Variants in CCDC7 observed in about 807,000 individuals in gnomAD.
CCDC7 encodes the protein coiled-coil domain containing 7, also known as coiled-coil domain-containing protein 7.
A neutral mutation model predicts 196.9 loss-of-function variants in CCDC7; 183 were observed. The ratio of observed to expected loss-of-function variants is 0.93; its 90% confidence interval spans 0.82 to 1.05. The LOEUF (loss-of-function observed/expected upper bound fraction) is 1.05. Among genes scored for constraint, CCDC7 ranks in the 50% least tolerant of loss-of-function variants. The probability of loss-of-function intolerance (pLI) is 0.00; values close to 1 mark genes in which losing one functional copy is unlikely to be tolerated. For missense variants in CCDC7, 1,540 were observed against 1,482.2 expected (o/e 1.04, Z -0.64); for synonymous variants, 525 against 484.6 (o/e 1.08, Z -1.10).
intron 41 of CCDC7, among the ~76,000 whole-genome samples, chr10:32,871,713 T>C (rs1202673334): frequency 2.0e-5 from 3 of 152,206 alleles, no homozygotes; most frequent in Admixed American, 6.5e-5. Flanking sequence ...TTTTAGATCT[T>C]TCCTGCTTTC....
intron 39 of CCDC7, 65 bp downstream of exon 40, chr10:32,848,783 C>T (rs1042748453): frequency 8.2e-7 from 1 of 1,217,746 alleles, no homozygotes; most frequent in Non-Finnish European, 1.2e-6. Context: ...TTAAAGTATG[C>T]TTTTTCATTT....
intron 18 of CCDC7, among the ~76,000 whole-genome samples, chr10:32,626,093 A>G (rs758133265): frequency 3.9e-5 from 6 of 152,048 alleles, no homozygotes; most frequent in Non-Finnish European, 8.8e-5. Context: ...CAGAAATGCA[A>G]TTGCCAGATC....
chr10:32,834,849 A>G (rs757117432), exon 33 of CCDC7: 3 of 1,470,734 alleles, frequency 2.0e-6, no homozygotes, highest in Non-Finnish European at 2.8e-6. Context: ...GTGTTAATGG[A>G]AAAGATATAA....
rs181615877 is a variant in CCDC7, at chr10:32,531,114, G to A, written c.994-12186G>A. 2.5e-3 allele frequency among the ~76,000 whole-genome samples: 386 copies of A among 152,124 alleles called. 2 individuals are homozygous for A. The highest frequency in any genetic ancestry group is 4.4e-3 in the Non-Finnish European group (302 of 67,968). On this transcript the variant is annotated intron_variant, in intron 11 of 41. Coordinates refer to ENST00000639629, the Ensembl canonical transcript of CCDC7. ...GTTCCTGGGATGATGGATCTTACTT[G>A]ATTATGGTGATTGATTCTTTTTTTT...
At chr10:32,720,983 C>G (rs963583782) in intron 25 of CCDC7, among the ~76,000 whole-genome samples, 3 of 152,084 alleles carry the variant, frequency 2.0e-5, no homozygotes, top group Non-Finnish European at 4.4e-5. Context: ...GTCCCAGCTA[C>G]TTGCGGGTGC....
At chr10:32,648,042 A>C (rs958989615) in intron 20 of CCDC7, among the ~76,000 whole-genome samples, 1 of 152,212 alleles carries the variant, frequency 6.6e-6, no homozygotes, top group Non-Finnish European at 1.5e-5. Context: ...AATATTCTGC[A>C]TAAGGTTAGG....
intron 33 of CCDC7, among the ~76,000 whole-genome samples, chr10:32,844,153 A>G (rs1036402898): frequency 2.0e-5 from 3 of 151,972 alleles, no homozygotes; most frequent in African/African-American, 4.8e-5. Context: ...TCCCTGTTCA[A>G]TATGAACTCT....
intron 29 of CCDC7, among the ~76,000 whole-genome samples, chr10:32,801,207 C>G (rs2084715939): frequency 6.6e-6 from 1 of 152,188 alleles, no homozygotes; most frequent in Non-Finnish European, 1.5e-5. Context: ...AAGTATTGGT[C>G]AAGATTATGT....
chr10:32,587,134 G>A (rs1479931139), intron 18 of CCDC7, among the ~76,000 whole-genome samples: 1 of 152,128 alleles, frequency 6.6e-6, no homozygotes, highest in African/African-American at 2.4e-5. Context: ...CATTCACAGT[G>A]TTGTGCAACC....
intron 24 of CCDC7, among the ~76,000 whole-genome samples, chr10:32,705,963 G>C (rs1351777720): frequency 6.6e-6 from 1 of 152,102 alleles, no homozygotes; most frequent in African/African-American, 2.4e-5. Context: ...TCTGCACCAA[G>C]CGGACCTACT....
chr10:32,602,736 T>C (rs751457358), intron 18 of CCDC7, among the ~76,000 whole-genome samples: 4 of 152,240 alleles, frequency 2.6e-5, no homozygotes, highest in African/African-American at 4.8e-5. Context: ...TAAGTTAATA[T>C]AAGTTGAGTA....
At chr10:32,822,155 T>C (rs1212393390) in intron 31 of CCDC7, among the ~76,000 whole-genome samples, 2 of 152,238 alleles carry the variant, frequency 1.3e-5, no homozygotes, top group Non-Finnish European at 2.9e-5. Flanking sequence ...AGGCTAAAGC[T>C]GACCTCTGAC....
chr10:32,661,750 A>G (rs559067351), intron 20 of CCDC7, among the ~76,000 whole-genome samples: 1 of 152,302 alleles, frequency 6.6e-6, no homozygotes, highest in East Asian at 1.9e-4. Context: ...CTGGTATCCA[A>G]GATACAAGAT....
At chr10:32,715,246 C>T (rs989072543) in intron 25 of CCDC7, among the ~76,000 whole-genome samples, 1 of 152,146 alleles carries the variant, frequency 6.6e-6, no homozygotes, top group Non-Finnish European at 1.5e-5. Context: ...CTGGTGATAC[C>T]CAGGCAAACA....
chr10:32,642,295 C>T (rs1184850451), intron 20 of CCDC7, among the ~76,000 whole-genome samples: 1 of 152,222 alleles, frequency 6.6e-6, no homozygotes, highest in Non-Finnish European at 1.5e-5. Context: ...TGGTGGGCTC[C>T]ACCCAGTTTG....
In CCDC7 at chr10:32,676,176, A is replaced by T. The variant is rs2074933527; in HGVS notation, c.2123-9794A>T. 6.4e-5 allele frequency among the ~76,000 whole-genome samples: 3 copies of T among 47,122 alleles called. 1 individual carries two copies. The highest frequency in any genetic ancestry group is 2.0e-4 in the Non-Finnish European group (3 of 14,912). 30.9% of individuals were successfully genotyped at this position (47,122 alleles called of 152,430 possible). A position where few individuals can be genotyped will look rare whatever the true frequency, so the allele number is the denominator to read the frequency against. On this transcript the variant is annotated intron_variant, in intron 21 of 41. Transcript: ENST00000639629. ...ATAAATGGTGCTGGGAAAACTGGCT[A>T]GCCATATGTAGAATCCCTTCCTTAC...
intron 18 of CCDC7, among the ~76,000 whole-genome samples, chr10:32,606,751 G>T (rs547163570): frequency 6.6e-6 from 1 of 152,270 alleles, no homozygotes; most frequent in South Asian, 2.1e-4. Flanking sequence ...ACTGTATCTA[G>T]AAATAAATAA....
chr10:32,614,559 T>C (rs2062568109), intron 18 of CCDC7, among the ~76,000 whole-genome samples: 1 of 152,190 alleles, frequency 6.6e-6, no homozygotes, highest in South Asian at 2.1e-4. Flanking sequence ...ATATTTCTTA[T>C]ATGCATATAT....
exon 32 of CCDC7, chr10:32,824,527 A>G: frequency 6.2e-7 from 1 of 1,605,912 alleles, no homozygotes; most frequent in Non-Finnish European, 8.5e-7. Context: ...GAGACTGATG[A>G]ACGATTGCAT....
Sources: allele counts gnomAD v4.1 joint callset (sites outside exome capture counted in the v4.1 genomes callset), GRCh38; gene constraint gnomAD v4.1.1; transcripts MANE v1.5; gene names NCBI Gene and HGNC (gene_info 2026-07-23, HGNC 2026-07-21).